The following PLEKHA1 variants were observed in gnomAD, a reference collection of about 807,000 sequenced individuals.
The protein encoded by PLEKHA1 is pleckstrin homology domain containing A1.
In PLEKHA1, 34 loss-of-function variants were observed where a neutral mutation model predicts 52.0. The ratio of observed to expected loss-of-function variants is 0.65; its 90% CI spans 0.50 to 0.87. PLEKHA1 has a LOEUF of 0.87. Among genes scored for constraint, PLEKHA1 ranks in the 40% least tolerant of loss-of-function variants. The pLI, the probability that PLEKHA1 is intolerant of heterozygous loss-of-function variation, is 0.00. For synonymous variants in PLEKHA1, 163 were observed against 170.7 expected (o/e 0.95, Z 0.35); for missense variants, 497 against 504.2 (o/e 0.99, Z 0.14).
At chr10:122,428,192 C>A in intron 11 of PLEKHA1, 1 of 1,301,988 alleles carries the variant, frequency 7.7e-7, no homozygotes, top group Non-Finnish European at 1.0e-6. Flanking sequence ...GACTATCTAG[C>A]TATGACTGTC....
intron 9 of PLEKHA1, among the ~76,000 whole-genome samples, 194 bp from the exon 10 acceptor site, chr10:122,424,702 C>A (rs2097312120): frequency 6.6e-6 from 1 of 152,096 alleles, no homozygotes; most frequent in Non-Finnish European, 1.5e-5. Flanking sequence ...GCTTTGTGAA[C>A]TTTTTCTAAA....
intron 5 of PLEKHA1, 165 bp from the exon 6 acceptor site, chr10:122,412,755 C>T (rs927653609): frequency 3.0e-6 from 2 of 656,858 alleles, no homozygotes; most frequent in Non-Finnish European, 2.5e-6. Flanking sequence ...ATTATTCTAA[C>T]AGAAAAATTA....
chr10:122,407,190 T>C (rs769286258), intron 5 of PLEKHA1, among the ~76,000 whole-genome samples: 9 of 152,194 alleles, frequency 5.9e-5, no homozygotes, highest in Non-Finnish European at 1.0e-4. Context: ...GTCCTGTCCA[T>C]GTGACCCTTG....
At chr10:122,428,073 CTT>C (rs1226885046) in intron 11 of PLEKHA1, among the ~76,000 whole-genome samples, 2 of 152,260 alleles carry the variant, frequency 1.3e-5, no homozygotes, top group Admixed American at 6.5e-5. Context: ...TTTTATGTGA[CTT>C]TTTCAGCAGT....
chr10:122,393,421 AT>A lies in PLEKHA1; in HGVS notation c.141+83del. On this transcript the variant is annotated intron_variant, in intron 2 of 11. Transcript: ENST00000368990. The surrounding 1 kb of genome is among the most constrained non-coding windows in gnomAD (Gnocchi z 4.5). ...ATTTAACATACTATACAGGCTTTAG[AT>A]TTGTCTTCTTAAGCAGTATATTTTT... is the stretch of plus-strand genomic sequence containing the variant. 8.2e-7 allele frequency: 1 copy of A among 1,221,280 alleles called. No homozygotes were observed. Among genetic ancestry groups the A allele is most frequent in the East Asian group, 2.9e-5 (1 of 34,440 alleles). 75.7% of individuals were successfully genotyped at this position (1,221,280 alleles called of 1,614,324 possible). A position where few individuals can be genotyped will look rare whatever the true frequency, so the allele number is the denominator to read the frequency against.
intron 7 of PLEKHA1, chr10:122,417,182 CT>C (rs1467235647): frequency 6.6e-6 from 1 of 152,022 alleles, no homozygotes; most frequent in Non-Finnish European, 1.5e-5. Context: ...ATATTTAGTG[CT>C]TTACTACTAT....
intron 1 of PLEKHA1, among the ~76,000 whole-genome samples, chr10:122,377,557 G>C (rs1461315454): frequency 6.6e-6 from 1 of 152,136 alleles, no homozygotes; most frequent in Non-Finnish European, 1.5e-5. Flanking sequence ...CTTTCAGAAA[G>C]GGCAGAAAAC....
At chr10:122,409,566 C>A (rs2097076868) in intron 5 of PLEKHA1, among the ~76,000 whole-genome samples, 1 of 152,004 alleles carries the variant, frequency 6.6e-6, no homozygotes, top group Non-Finnish European at 1.5e-5. Context: ...TTAAACATGT[C>A]TTTTTTAAAA....
downstream of PLEKHA1, chr10:122,432,518 C>G (rs1043843306): frequency 3.3e-5 from 5 of 151,462 alleles, no homozygotes; most frequent in African/African-American, 1.2e-4. Context: ...TTAATGCATC[C>G]CTGCATGTGA....
chr10:122,441,489 G>C, the PLEKHA1 span: 2 of 152,740 alleles, frequency 1.3e-5, no homozygotes, highest in East Asian at 3.9e-4. Context: ...AAAAGTTTGA[G>C]ATCCTCTGCC....
chr10:122,383,354 C>G (rs368623221), intron 1 of PLEKHA1, among the ~76,000 whole-genome samples: 1 of 116,360 alleles, frequency 8.6e-6, no homozygotes, highest in Non-Finnish European at 1.7e-5. Context: ...GGGTCTTGCT[C>G]TATTGCCCAG....
chr10:122,400,181 T>C (rs571815055), intron 3 of PLEKHA1, among the ~76,000 whole-genome samples, 162 bp from the exon 4 acceptor site: 1 of 152,354 alleles, frequency 6.6e-6, no homozygotes, highest in African/African-American at 2.4e-5. Flanking sequence ...ATCCTATGTA[T>C]TTAAATTTGC....
chr10:122,381,219 G>T (rs2096610011), intron 1 of PLEKHA1, among the ~76,000 whole-genome samples: 1 of 151,040 alleles, frequency 6.6e-6, no homozygotes, highest in African/African-American at 2.4e-5. Context: ...CAGGTGGGAG[G>T]TCATGGTCAC....
At chr10:122,399,151 T>G (rs1323233792) in intron 3 of PLEKHA1, among the ~76,000 whole-genome samples, 5 of 152,104 alleles carry the variant, frequency 3.3e-5, no homozygotes, top group African/African-American at 4.8e-5. Flanking sequence ...ACGTACCACT[T>G]TTTTTCCAAA....
intron 4 of PLEKHA1, among the ~76,000 whole-genome samples, chr10:122,405,969 G>A (rs1188167130): frequency 6.6e-6 from 1 of 152,140 alleles, no homozygotes; most frequent in African/African-American, 2.4e-5. Flanking sequence ...CCCAGTGGCA[G>A]AGAATGGCCT....
At chr10:122,380,218 C>T (rs897185560) in intron 1 of PLEKHA1, among the ~76,000 whole-genome samples, 1 of 152,198 alleles carries the variant, frequency 6.6e-6, no homozygotes, top group Non-Finnish European at 1.5e-5. Flanking sequence ...TTATGGGTTA[C>T]TTCATCCGTC....
rs2097349325 is a variant in PLEKHA1 at position 122,427,049 on chromosome 10, T to C, written c.900+18T>C. ...CGTCTTCTGTAGGTTTCCTGCTCTCTGGGGTGATACTCCCTTGCGTCTCCC... is the reference window on the plus strand; with the variant it reads ...CGTCTTCTGTAGGTTTCCTGCTCTCCGGGGTGATACTCCCTTGCGTCTCCC... On this transcript the variant is annotated intron_variant, in intron 11 of 11. Transcript: ENST00000368990. 1 of 1,599,920 alleles carries C rather than the reference T, an allele frequency of 6.3e-7. No individual in the cohort carries two copies. Among genetic ancestry groups the C allele is most frequent in the Non-Finnish European group, 8.6e-7 (1 of 1,167,342 alleles).
At chr10:122,376,459 C>T (rs2096535924) in intron 1 of PLEKHA1, among the ~76,000 whole-genome samples, 4 of 149,946 alleles carry the variant, frequency 2.7e-5, no homozygotes, top group Middle Eastern at 3.2e-3. Flanking sequence ...TAGCGTATAC[C>T]TGTATCAAGA....
rs879688683 is a variant in PLEKHA1, at chr10:122,430,018, G to C, written c.*80G>C. 9.4e-5 allele frequency: 138 copies of C among 1,467,968 alleles called. No homozygotes were observed. Among genetic ancestry groups the C allele is most frequent in the Middle Eastern group, 5.7e-4 (3 of 5,292 alleles). The allele number at this position is 1,467,968 out of a possible 1,614,324, so 90.9% of individuals were successfully genotyped here. On this transcript the variant is annotated 3_prime_UTR_variant, in exon 12 of 12. Transcript: ENST00000368990. ...GGCTTCTAGCCAAAGATGATAAAGG[G>C]GGAAATGGTTTTTAGTGCGTATATT...
Sources: gnomAD v4.1 joint callset for allele counts (sites outside exome capture counted in the v4.1 genomes callset) on GRCh38, gnomAD v4.1.1 for gene constraint, Gnocchi (gnomAD v3.1) non-coding constraint, MANE v1.5 for transcripts, NCBI Gene and HGNC (gene_info 2026-07-23, HGNC 2026-07-21) for gene names.